The following NIPSNAP3A variants were observed in gnomAD, a reference collection of about 807,000 sequenced individuals.
NIPSNAP3A encodes the protein protein NipSnap homolog 3A.
In NIPSNAP3A, 27 loss-of-function variants were observed where a neutral mutation model predicts 32.3. The observed-to-expected ratio is 0.84, with a 90% CI of 0.62 to 1.15. The LOEUF (loss-of-function observed/expected upper bound fraction) is 1.15, where lower values mean the gene tolerates loss of function less well. NIPSNAP3A is among the 50% of genes most tolerant of loss of function. The probability of loss-of-function intolerance (pLI) is 0.00; values close to 1 mark genes in which losing one functional copy is unlikely to be tolerated. For missense variants in NIPSNAP3A, 278 were observed against 297.2 expected, an observed-to-expected ratio of 0.94 and a Z score of 0.48; for synonymous variants, 108 against 107.3, an observed-to-expected ratio of 1.01 and a Z score of -0.04.
At chr9:104,750,186 C>A (rs1827830629) in intron 1 of NIPSNAP3A, among the ~76,000 whole-genome samples, 1 of 152,114 alleles carries the variant, frequency 6.6e-6, no homozygotes, top group Non-Finnish European at 1.5e-5. Context: ...ATAACTGTAA[C>A]ACGTATGCTC....
intron 1 of NIPSNAP3A, among the ~76,000 whole-genome samples, chr9:104,749,377 C>T (rs1827818631): frequency 1.3e-5 from 2 of 152,288 alleles, no homozygotes; most frequent in Non-Finnish European, 2.9e-5. Flanking sequence ...ATAGAATTAA[C>T]TCTAGATAAT....
intron 2 of NIPSNAP3A, 54 bp from the exon 3 acceptor site, chr9:104,752,852 A>G: frequency 6.9e-7 from 1 of 1,456,534 alleles, no homozygotes; most frequent in African/African-American, 1.4e-5. Flanking sequence ...CCAGAAAAGT[A>G]CAGGTGATTT....
chr9:104,752,317 T>C (rs1827856345), intron 2 of NIPSNAP3A, among the ~76,000 whole-genome samples: 1 of 152,188 alleles, frequency 6.6e-6, no homozygotes, highest in African/African-American at 2.4e-5. Flanking sequence ...GAGAAGAGGC[T>C]TAAAAAGTAC....
chr9:104,752,467 T>C (rs1272977376), intron 2 of NIPSNAP3A, among the ~76,000 whole-genome samples: 1 of 132,206 alleles, frequency 7.6e-6, no homozygotes, highest in Non-Finnish European at 1.8e-5. Context: ...CACTATAAGT[T>C]AAATGCCTCA....
Position 104,759,267 on chromosome 9 carries a change from G to GA in NIPSNAP3A, c.676dup (p.Ser226LysfsTer27). The GA allele has an allele frequency of 6.2e-7, 1 of 1,614,106 alleles. No individual in the cohort carries two copies. ...TCTATGAAATGTTTTTCCAGTTCGG[G>GA]AAAGTGTCAACTACCTAGTATCTCA... On this transcript the variant is annotated frameshift_variant, in exon 6 of 6. Coordinates refer to ENST00000374767, the MANE Select transcript of NIPSNAP3A (RefSeq NM_015469.3). LOFTEE classifies it high-confidence loss of function.
At chr9:104,750,816 A>G (rs1827839095) in intron 1 of NIPSNAP3A, 140 bp from the exon 2 acceptor site, 1 of 716,672 alleles carries the variant, frequency 1.4e-6, no homozygotes, top group South Asian at 1.5e-5. Context: ...CATCAGTAAC[A>G]TATTGAGAAT....
At position 104,747,695 on chromosome 9, in the gene NIPSNAP3A, C is replaced by A; in HGVS notation, c.-98C>A. The A allele has an allele frequency of 7.8e-7, 1 of 1,286,686 alleles. No individual in the cohort carries two copies. Among genetic ancestry groups the A allele is most frequent in the Non-Finnish European group, 1.1e-6 (1 of 909,996 alleles). The allele number at this position is 1,286,686 out of a possible 1,614,324, so 79.7% of individuals were successfully genotyped here. On this transcript the variant is annotated 5_prime_UTR_variant, in exon 1 of 6. Coordinates refer to ENST00000374767, the MANE Select transcript of NIPSNAP3A (RefSeq NM_015469.3). ...CGAGCCCCGCCCCAGCCTGCGTCTG[C>A]CAATGATCCAGGAGCCGCTCCTTTC...
Position 104,755,195 on chromosome 9 carries a change from C to T in NIPSNAP3A, c.580+495C>T, listed in dbSNP as rs370279624. On this transcript the variant is annotated intron_variant, in intron 4 of 5. Coordinates refer to ENST00000374767, the MANE Select transcript of NIPSNAP3A (RefSeq NM_015469.3). ...AGCGGAGGTTGCAATGAGCCAAAAT[C>T]GTGCCATCGCACTCCAGCCTGGGTG... Among the ~76,000 whole-genome samples, 14 of 151,292 alleles carry T rather than the reference C, an allele frequency of 9.3e-5. No homozygotes were observed. The East Asian group carries it at 9.8e-4, about 11-fold the overall frequency.
chr9:104,754,538 C>G lies in NIPSNAP3A; in HGVS notation c.431-13C>G, dbSNP rs548926927. 2.2e-5 allele frequency: 35 copies of G among 1,612,388 alleles called. No individual in the cohort carries two copies. The South Asian group carries it at 3.7e-4, about 17-fold the overall frequency. Reference sequence around the variant, plus strand: ...GAATGTTTTCTGAAAAATTCTTTTTCTCCCTATTCCAGGAGTCTATGAACT... The same window carrying G: ...GAATGTTTTCTGAAAAATTCTTTTTGTCCCTATTCCAGGAGTCTATGAACT... On this transcript the variant is annotated splice_polypyrimidine_tract_variant and intron_variant, in intron 3 of 5. Coordinates refer to ENST00000374767, the MANE Select transcript of NIPSNAP3A (RefSeq NM_015469.3).
At chr9:104,749,069 A>G (rs1256257379) in intron 1 of NIPSNAP3A, among the ~76,000 whole-genome samples, 1 of 152,108 alleles carries the variant, frequency 6.6e-6, no homozygotes, top group Non-Finnish European at 1.5e-5. Flanking sequence ...GTATATTAAT[A>G]CTGCCCAAAA....
At position 104,752,933 on chromosome 9, in the gene NIPSNAP3A, G is replaced by A. The variant is rs2274870; in HGVS notation, c.299G>A (p.Arg100Gln). The change falls in exon 3 of 6, where the codon CGG becomes CAG. Residue 100 changes from arginine to glutamine, a missense_variant. Physicochemically the swap from Arg to Gln is conservative, Grantham distance 43 (BLOSUM62 1). Transcript: ENST00000374767. Reference protein sequence around the residue: ...YDNFAHRTEVRKALAKDKEWQ... With the variant: ...YDNFAHRTEVQKALAKDKEWQ... ...AATTTTGCTCATCGAACTGAAGTTC[G>A]GAAAGCCTTGGCCAAAGATAAGGAA... 1,009,667 of 1,611,216 alleles carry A rather than the reference G, an allele frequency of 0.63. 318,828 individuals carry two copies. The highest frequency in any genetic ancestry group is 0.75 in the African/African-American group (55,847 of 74,886).
At chr9:104,757,658 G>A (rs915579888) in intron 4 of NIPSNAP3A, among the ~76,000 whole-genome samples, 32 of 152,156 alleles carry the variant, frequency 2.1e-4, no homozygotes, top group Admixed American at 1.0e-3. Flanking sequence ...TAATACATAC[G>A]TAATACAGAA....
At position 104,759,544 on chromosome 9, in the gene NIPSNAP3A, GTGTC is replaced by G. The variant is rs1394372868; in HGVS notation, c.*211_*214del. On this transcript the variant is annotated 3_prime_UTR_variant, in exon 6 of 6. Coordinates refer to ENST00000374767, the MANE Select transcript of NIPSNAP3A (RefSeq NM_015469.3). ...TGTTTACTTTCTGCATGGTATTTCA[GTGTC>G]TGTCATACATTAAAAATACTTGTCA... 3 of 565,642 alleles carry G rather than the reference GTGTC, an allele frequency of 5.3e-6. No individual in the cohort carries two copies. The highest frequency in any genetic ancestry group is 9.4e-6 in the Non-Finnish European group (3 of 318,110). 35.0% of individuals were successfully genotyped at this position (565,642 alleles called of 1,614,324 possible). A position where few individuals can be genotyped will look rare whatever the true frequency, so the allele number is the denominator to read the frequency against.
chr9:104,752,945 C>G lies in NIPSNAP3A; in HGVS notation c.311C>G (p.Ala104Gly), dbSNP rs765797517. ...CGAACTGAAGTTCGGAAAGCCTTGG[C>G]CAAAGATAAGGAATGGCAAGAACAA... is the stretch of plus-strand genomic sequence containing the variant. ...AHRTEVRKAL[A>G]KDKEWQEQFL... is the part of the protein sequence containing the mutation. The change falls in exon 3 of 6, where the codon GCC becomes GGC. Residue 104 changes from alanine (A) to glycine (G), a missense_variant. Transcript: ENST00000374767. 1.2e-6 allele frequency: 2 copies of G among 1,613,148 alleles called. No individual in the cohort carries two copies. The highest frequency in any genetic ancestry group is 8.5e-7 in the Non-Finnish European group (1 of 1,179,270).
intron 1 of NIPSNAP3A, 31 bp downstream of exon 1, chr9:104,747,883 C>A: frequency 1.3e-6 from 2 of 1,533,858 alleles, no homozygotes; most frequent in Non-Finnish European, 1.7e-6. Context: ...CAAGCCTTCA[C>A]CCGACGGGAG....
chr9:104,749,362 C>G (rs1360065695), intron 1 of NIPSNAP3A, among the ~76,000 whole-genome samples: 1 of 152,152 alleles, frequency 6.6e-6, no homozygotes, highest in Non-Finnish European at 1.5e-5. Context: ...ATAAGTCACA[C>G]ACGAATAGAA....
At chr9:104,755,485 T>G (rs1827895895) in intron 4 of NIPSNAP3A, among the ~76,000 whole-genome samples, 2 of 151,998 alleles carry the variant, frequency 1.3e-5, no homozygotes, top group South Asian at 4.1e-4. Flanking sequence ...GTATATATAT[T>G]GAGGTAAATT....
intron 4 of NIPSNAP3A, among the ~76,000 whole-genome samples, chr9:104,758,198 TA>T (rs1234290604): frequency 1.3e-5 from 2 of 152,096 alleles, no homozygotes; most frequent in Admixed American, 1.3e-4. Context: ...ATATAACCAT[TA>T]AAAATTAATA....
chr9:104,757,832 G>T (rs972180700), intron 4 of NIPSNAP3A, among the ~76,000 whole-genome samples: 3 of 152,050 alleles, frequency 2.0e-5, no homozygotes, highest in South Asian at 2.1e-4. Flanking sequence ...CAGTAGGATT[G>T]CTTGAGGCTA....
Sources: gnomAD v4.1 joint callset for allele counts (sites outside exome capture counted in the v4.1 genomes callset) on GRCh38, gnomAD v4.1.1 for gene constraint, MANE v1.5 for transcripts, NCBI Gene and HGNC (gene_info 2026-07-23, HGNC 2026-07-21) for gene names.